LDB2: variants seen among roughly 807,000 people sequenced by gnomAD.
LDB2 encodes the protein LIM domain-binding protein 2.
LDB2 carries 12 observed loss-of-function variants against 44.3 expected under a neutral mutation model. The observed-to-expected ratio is 0.27, with a 90% CI of 0.17 to 0.44. The LOEUF (loss-of-function observed/expected upper bound fraction) is 0.44. Among genes scored for constraint, LDB2 ranks in the 20% least tolerant of loss-of-function variants. The pLI is 1.00. For missense variants in LDB2, 344 were observed against 473.5 expected, an observed-to-expected ratio of 0.73 and a Z score of 2.54; for synonymous variants, 164 against 174.8, an observed-to-expected ratio of 0.94 and a Z score of 0.49.
chr4:16,895,966 T>C (rs1724885714), intron 1 of LDB2, among the ~76,000 whole-genome samples: 1 of 152,144 alleles, frequency 6.6e-6, no homozygotes, highest in Non-Finnish European at 1.5e-5. Context: ...CCTTTTCATA[T>C]GAAATAAAAA....
intron 2 of LDB2, among the ~76,000 whole-genome samples, chr4:16,632,215 C>A (rs1347644670): frequency 6.6e-6 from 1 of 152,188 alleles, no homozygotes; most frequent in African/African-American, 2.4e-5. Context: ...TCCAGCAGCA[C>A]ATCAAAAAGC....
intron 2 of LDB2, among the ~76,000 whole-genome samples, chr4:16,622,791 C>T (rs1018614688): frequency 2.4e-4 from 37 of 152,206 alleles, no homozygotes; most frequent in African/African-American, 8.4e-4. Context: ...GGGGGAAACA[C>T]TCCAATCTCT....
chr4:16,685,707 C>T (rs1749073753), intron 2 of LDB2, among the ~76,000 whole-genome samples: 1 of 152,124 alleles, frequency 6.6e-6, no homozygotes, highest in African/African-American at 2.4e-5. Context: ...AGCAAAGCTG[C>T]CCACCCTCAG....
chr4:16,562,397 T>C (rs961464955), intron 5 of LDB2, among the ~76,000 whole-genome samples: 2 of 152,046 alleles, frequency 1.3e-5, no homozygotes, highest in African/African-American at 4.8e-5. Context: ...CATCAAAAAG[T>C]GGGCGAAGGA....
chr4:16,892,229 C>T (rs1307145565), intron 1 of LDB2, among the ~76,000 whole-genome samples: 4 of 152,056 alleles, frequency 2.6e-5, no homozygotes, highest in Non-Finnish European at 5.9e-5. Flanking sequence ...GTTTGTATGT[C>T]TCCCCTCTTT....
chr4:16,874,418 G>A (rs1717742601), intron 1 of LDB2, among the ~76,000 whole-genome samples: 1 of 152,076 alleles, frequency 6.6e-6, no homozygotes, highest in African/African-American at 2.4e-5. Flanking sequence ...ATTAGACTAT[G>A]ATTTACCCTC....
chr4:16,682,480 T>C (rs1748192443), intron 2 of LDB2, among the ~76,000 whole-genome samples: 1 of 152,220 alleles, frequency 6.6e-6, no homozygotes, highest in Non-Finnish European at 1.5e-5. Flanking sequence ...CAATGTTATT[T>C]CATAAAGCAC....
At chr4:16,826,538 G>A (rs1783094972) in intron 1 of LDB2, 1 of 152,154 alleles carries the variant, frequency 6.6e-6, no homozygotes, top group African/African-American at 2.4e-5. Flanking sequence ...AAATTGTTAT[G>A]CAAAAGACAT....
chr4:16,617,094 G>T (rs1727537721), intron 2 of LDB2, among the ~76,000 whole-genome samples: 1 of 152,108 alleles, frequency 6.6e-6, no homozygotes, highest in Non-Finnish European at 1.5e-5. Context: ...CAACCGTAAA[G>T]AAGGAAGTTG....
At chr4:16,658,531 G>A (rs551876731) in intron 2 of LDB2, among the ~76,000 whole-genome samples, 1 of 142,358 alleles carries the variant, frequency 7.0e-6, no homozygotes, top group South Asian at 2.3e-4. Context: ...GGGACACAAT[G>A]TTTCTAGATC....
In LDB2 at chr4:16,746,321, C is replaced by A. The variant is rs181312748; in HGVS notation, c.235+12837G>T. Among the ~76,000 whole-genome samples the A allele has an allele frequency of 5.3e-3, 806 of 152,276 alleles. 3 individuals are homozygous for A. Among genetic ancestry groups the A allele is most frequent in the South Asian group, 0.01 (50 of 4,818 alleles). On this transcript the variant is annotated intron_variant, in intron 2 of 7. Transcript: ENST00000304523. ...CAAGAACCAACTACGTGTCTGACTC[C>A]ATTTTTTTGGCAAATTATAATATCA...
intron 2 of LDB2, among the ~76,000 whole-genome samples, chr4:16,615,889 C>T (rs371794883): frequency 4.2e-4 from 64 of 152,274 alleles, no homozygotes; most frequent in African/African-American, 1.3e-3. Context: ...GACTTGACTC[C>T]GTGCTCTGCC....
chr4:16,507,922 T>C (rs1720172812), intron 7 of LDB2, among the ~76,000 whole-genome samples: 1 of 152,194 alleles, frequency 6.6e-6, no homozygotes, highest in Admixed American at 6.5e-5. Flanking sequence ...GTCCCCTTCC[T>C]AATGGTCTTT....
At chr4:16,631,470 C>A (rs767230099) in intron 2 of LDB2, among the ~76,000 whole-genome samples, 2 of 151,900 alleles carry the variant, frequency 1.3e-5, no homozygotes, top group Non-Finnish European at 1.5e-5. Context: ...TAAATGCCCA[C>A]AAGAGAAAGC....
intron 2 of LDB2, among the ~76,000 whole-genome samples, chr4:16,633,273 A>G (rs1296084531): frequency 6.6e-6 from 1 of 151,952 alleles, no homozygotes; most frequent in Admixed American, 6.6e-5. Flanking sequence ...AACATCACAC[A>G]CCAGGGCCTG....
intron 6 of LDB2, 30 bp from the exon 7 acceptor site, chr4:16,508,716 G>A: frequency 6.2e-7 from 1 of 1,600,550 alleles, no homozygotes; most frequent in South Asian, 1.1e-5. Context: ...AGAGGGATCA[G>A]TTCTAGGGCA....
At chr4:16,570,089 A>C (rs1202689621) in intron 5 of LDB2, among the ~76,000 whole-genome samples, 2 of 152,158 alleles carry the variant, frequency 1.3e-5, no homozygotes, top group Non-Finnish European at 2.9e-5. Context: ...TAGAATTAAA[A>C]TGATTGACCC....
intron 1 of LDB2, among the ~76,000 whole-genome samples, chr4:16,802,466 A>C (rs922961441): frequency 6.6e-6 from 1 of 152,188 alleles, no homozygotes; most frequent in Non-Finnish European, 1.5e-5. Context: ...TGTATGTCCC[A>C]TCAGAACTTC....
intron 1 of LDB2, among the ~76,000 whole-genome samples, chr4:16,884,243 T>C (rs1434372098): frequency 6.6e-6 from 1 of 152,188 alleles, no homozygotes. Context: ...TCTGAGGGCT[T>C]TCATGCCTTA....
Sources: allele counts gnomAD v4.1 joint callset (sites outside exome capture counted in the v4.1 genomes callset), GRCh38; gene constraint gnomAD v4.1.1; transcripts MANE v1.5; gene names NCBI Gene and HGNC (gene_info 2026-07-23, HGNC 2026-07-21).